Variants in HSPA14 observed in about 807,000 individuals in gnomAD.
The protein encoded by HSPA14 is heat shock 70 kDa protein 14.
In HSPA14, 37 loss-of-function variants were observed where a neutral mutation model predicts 65.5. The observed-to-expected ratio is 0.56, with a 90% CI of 0.43 to 0.74. The LOEUF (loss-of-function observed/expected upper bound fraction) is 0.74, where lower values mean the gene tolerates loss of function less well. Ranked by LOEUF, HSPA14 falls within the 30% of genes least tolerant of loss-of-function variation. HSPA14 has a pLI of 0.00. For missense variants in HSPA14, 564 were observed against 607.6 expected, an observed-to-expected ratio of 0.93 and a Z score of 0.75; for synonymous variants, 203 against 214.2, an observed-to-expected ratio of 0.95 and a Z score of 0.46.
At chr10:14,866,383 G>A (rs921938847) in intron 10 of HSPA14, among the ~76,000 whole-genome samples, 1 of 152,126 alleles carries the variant, frequency 6.6e-6, no homozygotes, top group East Asian at 1.9e-4. Flanking sequence ...GAGATCATCC[G>A]TAAAGACTGT....
rs1834107349 is a variant in HSPA14 at position 14,851,310 on chromosome 10, C to G, written c.559C>G (p.Pro187Ala). 4 of 1,597,976 alleles carry G rather than the reference C, an allele frequency of 2.5e-6. No homozygotes were observed. In the African/African-American group the frequency reaches 5.4e-5, roughly 21 times the overall value. ...LLAYGIGQDS[P>A]TGKSNILVFK... ...TGCTTATGGAATTGGACAAGACTCCCCTACTGGAAAAAGGTAAAGATCATA... is the reference window on the plus strand; with the variant it reads ...TGCTTATGGAATTGGACAAGACTCCGCTACTGGAAAAAGGTAAAGATCATA... Residue 187 changes from proline (P) to alanine (A), a missense_variant, in exon 7 of 14, where the codon CCT becomes GCT. Physicochemically the swap from Pro to Ala is conservative, Grantham distance 27. Transcript: ENST00000378372.
chr10:14,871,660 G>C lies in HSPA14; in HGVS notation c.*54G>C. On this transcript the variant is annotated 3_prime_UTR_variant, in exon 14 of 14. Transcript: ENST00000378372. ...AACAAGAATATCAACATTTGGTTTT[G>C]TGTATAAGTGGTGTTTGTATTAAAA... is the stretch of plus-strand genomic sequence containing the variant. The C allele has an allele frequency of 3.3e-6, 3 of 915,110 alleles. No homozygotes were observed. The highest frequency in any genetic ancestry group is 5.2e-6 in the Non-Finnish European group (3 of 572,588). 56.7% of individuals were successfully genotyped at this position (915,110 alleles called of 1,614,324 possible).
intron 6 of HSPA14, 130 bp downstream of exon 6, chr10:14,849,941 A>T: frequency 1.6e-6 from 1 of 620,406 alleles, no homozygotes. Flanking sequence ...TTAGTAAGGT[A>T]ATGATCATTT....
In HSPA14 at chr10:14,839,901, C is replaced by T. The variant is rs757191496; in HGVS notation, c.58-4C>T. On this transcript the variant is annotated splice_polypyrimidine_tract_variant and splice_region_variant and intron_variant, in intron 1 of 13. Transcript: ENST00000378372. ...GACTATGTATTTCGTGTTTTTTTCT[C>T]TAGGATGGCCGGGCTGGTGTGGTTG... 4 of 1,610,874 alleles carry T rather than the reference C, an allele frequency of 2.5e-6. No homozygotes were observed. The highest frequency in any genetic ancestry group is 3.4e-6 in the Non-Finnish European group (4 of 1,177,788).
chr10:14,838,519 G>A, intron 1 of HSPA14, 60 bp downstream of exon 1: 1 of 1,490,644 alleles, frequency 6.7e-7, no homozygotes. Context: ...TCTGGCGCTG[G>A]GTCATCCACA....
Position 14,866,850 on chromosome 10 carries a change from G to T in HSPA14, c.994-233G>T, listed in dbSNP as rs117005755. Among the ~76,000 whole-genome samples, 1,443 of 152,202 alleles carry T rather than the reference G, an allele frequency of 9.5e-3. 17 individuals carry two copies. The highest frequency in any genetic ancestry group is 0.016 in the Non-Finnish European group (1,098 of 68,000). On this transcript the variant is annotated intron_variant, in intron 10 of 13. Coordinates refer to ENST00000378372, the MANE Select transcript of HSPA14 (RefSeq NM_016299.4). The stretch of plus-strand genomic sequence containing the variant: ...TACTGTATTTTGTAATAAATGGTGA[G>T]ATTTCCTCATTTTAAATTTTGTTGT...
At chr10:14,858,413 A>T (rs960536120) in intron 10 of HSPA14, among the ~76,000 whole-genome samples, 2 of 152,218 alleles carry the variant, frequency 1.3e-5, no homozygotes, top group South Asian at 4.1e-4. Context: ...ACTTAATAAT[A>T]AGAAATTGTC....
intron 3 of HSPA14, chr10:14,841,124 G>A (rs1269208947): frequency 6.6e-6 from 1 of 152,108 alleles, no homozygotes; most frequent in Non-Finnish European, 1.5e-5. Flanking sequence ...TCTCTTACCT[G>A]TGTTCAATTA....
chr10:14,863,717 TCTCA>T (rs1832776880), intron 10 of HSPA14, among the ~76,000 whole-genome samples: 1 of 152,168 alleles, frequency 6.6e-6, no homozygotes, highest in Non-Finnish European at 1.5e-5. Flanking sequence ...TCTCTGCCTC[TCTCA>T]CTCTTACCCT....
intron 5 of HSPA14, chr10:14,849,398 CATT>C (rs1250711710): frequency 5.9e-6 from 3 of 506,926 alleles, no homozygotes; most frequent in African/African-American, 1.9e-5. Context: ...AGAGAACTAA[CATT>C]ATGACGTTGT....
Position 14,848,872 on chromosome 10 carries a change from G to T in HSPA14, c.353G>T (p.Arg118Ile). The T allele has an allele frequency of 6.4e-7, 1 of 1,559,586 alleles. No homozygotes were observed. The highest frequency in any genetic ancestry group is 1.1e-5 in the South Asian group (1 of 87,230). The change falls in exon 5 of 14, where the codon AGA becomes ATA. Residue 118 changes from arginine to isoleucine, a missense_variant. Physicochemically the swap from Arg to Ile is moderately conservative, Grantham distance 97. Transcript: ENST00000378372. ...TKFVNPEDVA[R>I]LIFSKMKETA... ...TTTGTTAACCCAGAAGATGTTGCCA[G>T]ACTGATATTTAGTAAAATGAAAGGT...
chr10:14,844,607 G>C (rs1220427401), intron 3 of HSPA14: 1 of 985,154 alleles, frequency 1.0e-6, no homozygotes, highest in Admixed American at 6.2e-5. Context: ...CATTTTACTG[G>C]TTCTTAGTCT....
intron 10 of HSPA14, among the ~76,000 whole-genome samples, 182 bp from the exon 11 acceptor site, chr10:14,866,901 T>C (rs1162685739): frequency 2.0e-5 from 3 of 152,214 alleles, no homozygotes; most frequent in Non-Finnish European, 2.9e-5. Context: ...TAAATATCTA[T>C]AATATGTTTA....
rs995032794 is a variant in HSPA14, at chr10:14,855,835, G to A, written c.891-6G>A. 3 of 1,515,482 alleles carry A rather than the reference G, an allele frequency of 2.0e-6. No homozygotes were observed. The highest frequency in any genetic ancestry group is 1.8e-6 in the Non-Finnish European group (2 of 1,091,108). The allele number at this position is 1,515,482 out of a possible 1,614,324, so 93.9% of individuals were successfully genotyped here. The stretch of plus-strand genomic sequence containing the variant: ...TGTGTTTCTGTGTGTGTGTATGTGT[G>A]TACAGAGCAAGATTTGAACTTCTTT... On this transcript the variant is annotated splice_polypyrimidine_tract_variant and splice_region_variant and intron_variant, in intron 9 of 13. Transcript: ENST00000378372.
intron 13 of HSPA14, 35 bp downstream of exon 13, chr10:14,870,702 A>C: frequency 6.7e-7 from 1 of 1,491,710 alleles, no homozygotes; most frequent in Non-Finnish European, 9.1e-7. Context: ...AAGAAAATTC[A>C]ATTTGATACT....
intron 6 of HSPA14, chr10:14,850,722 T>C (rs1033965855): frequency 1.3e-5 from 2 of 152,260 alleles, no homozygotes; most frequent in African/African-American, 2.4e-5. Context: ...AATAAATGTG[T>C]ATTGATTACT....
At chr10:14,857,921 T>TA (rs922289690) in intron 10 of HSPA14, among the ~76,000 whole-genome samples, 14 of 150,366 alleles carry the variant, frequency 9.3e-5, no homozygotes, top group African/African-American at 2.8e-4. Context: ...TTTTAACACT[T>TA]ACAGTGTGGC....
At position 14,852,443 on chromosome 10, in the gene HSPA14, C is replaced by A. The variant is rs115861078; in HGVS notation, c.646C>A (p.Arg216=). The A allele has an allele frequency of 6.2e-7, 1 of 1,613,622 alleles. No homozygotes were observed. Among genetic ancestry groups the A allele is most frequent in the Admixed American group, 1.7e-5 (1 of 60,024 alleles). Residue 216 remains arginine (R), a synonymous_variant, in exon 8 of 14, where the codon CGG becomes AGG. Transcript: ENST00000378372. ...CATGGAAGTTAACAGTGGAATATATCGGGTTCTTTCAACAAACACTGATGA... is the reference window on the plus strand; with the variant it reads ...CATGGAAGTTAACAGTGGAATATATAGGGTTCTTTCAACAAACACTGATGA... ...SVMEVNSGIY[R]VLSTNTDDNI... is the part of the protein sequence containing the mutation.
intron 10 of HSPA14, among the ~76,000 whole-genome samples, chr10:14,861,963 G>C (rs1319903317): frequency 1.3e-5 from 2 of 149,682 alleles, no homozygotes; most frequent in Non-Finnish European, 3.0e-5. Context: ...AGTGAGCCGA[G>C]ATCACGCCAT....
Sources: allele counts gnomAD v4.1 joint callset (sites outside exome capture counted in the v4.1 genomes callset), GRCh38; gene constraint gnomAD v4.1.1; transcripts MANE v1.5; gene names NCBI Gene and HGNC (gene_info 2026-07-23, HGNC 2026-07-21).